Variants in NSD1 observed in about 807,000 individuals in gnomAD.
The protein encoded by NSD1 is histone-lysine N-methyltransferase, H3 lysine-36 specific.
NSD1 carries 26 observed loss-of-function variants against 242.7 expected under a neutral mutation model. The observed-to-expected ratio is 0.11, with a 90% CI of 0.08 to 0.15. The LOEUF (loss-of-function observed/expected upper bound fraction) is 0.15, where lower values mean the gene tolerates loss of function less well. NSD1 is among the 10% of genes least tolerant of loss of function. NSD1 has a pLI of 1.00. For synonymous variants in NSD1, 1,106 were observed against 1,178.1 expected, an observed-to-expected ratio of 0.94 and a Z score of 1.25; for missense variants, 2,495 against 3,272.8, an observed-to-expected ratio of 0.76 and a Z score of 5.80.
intron 2 of NSD1, among the ~76,000 whole-genome samples, chr5:177,168,555 G>T (rs771697932): frequency 2.0e-5 from 3 of 151,732 alleles, no homozygotes; most frequent in Non-Finnish European, 2.9e-5. Context: ...TGCCTCCCGG[G>T]TTCAAGTGAT....
At chr5:177,149,132 T>C (rs1352921342) in intron 2 of NSD1, among the ~76,000 whole-genome samples, 2 of 152,204 alleles carry the variant, frequency 1.3e-5, no homozygotes, top group Non-Finnish European at 2.9e-5. Context: ...TGCTTCAGTT[T>C]CTATGCATCC....
intron 15 of NSD1, among the ~76,000 whole-genome samples, chr5:177,268,027 A>G (rs1344785455): frequency 2.7e-5 from 4 of 149,012 alleles, no homozygotes; most frequent in African/African-American, 7.5e-5. Context: ...ATTTCGGCAT[A>G]TGTACTCCCA....
intron 2 of NSD1, among the ~76,000 whole-genome samples, chr5:177,146,080 TA>T (rs79707078): frequency 2.1e-3 from 305 of 142,922 alleles, no homozygotes; most frequent in Admixed American, 2.5e-3. Context: ...CCCTGTCTCT[TA>T]AAAAAAAAAA....
At position 177,211,362 on chromosome 5, in the gene NSD1, C is replaced by G. The variant is rs1465577289; in HGVS notation, c.2963C>G (p.Ser988Cys). ...PSPSGGDSAL[S>C]GELSASLPGL... Reference sequence around the variant, plus strand: ...CCTAGTGGGGGTGACTCTGCATTATCTGGCGAGTTGTCTGCTTCCCTACCT... The same window carrying G: ...CCTAGTGGGGGTGACTCTGCATTATGTGGCGAGTTGTCTGCTTCCCTACCT... The change falls in exon 5 of 23, where the codon TCT (serine) becomes TGT (cysteine). Residue 988 changes from serine to cysteine, a missense_variant. Coordinates refer to ENST00000439151, the MANE Select transcript of NSD1 (RefSeq NM_022455.5). 1 of 1,614,152 alleles carries G rather than the reference C, an allele frequency of 6.2e-7. No individual in the cohort carries two copies. Among genetic ancestry groups the G allele is most frequent in the Non-Finnish European group, 8.5e-7 (1 of 1,180,018 alleles).
At chr5:177,257,231 T>TTTTTC in intron 13 of NSD1, 80 bp downstream of exon 13, 1 of 738,526 alleles carries the variant, frequency 1.4e-6, no homozygotes, top group Non-Finnish European at 1.9e-6. Context: ...TTTCTTTCTT[T>TTTTTC]TTTTTTTTTT....
Position 177,134,568 on chromosome 5 carries a change from T to G in NSD1, c.-17-519T>G, listed in dbSNP as rs919054568. Among the ~76,000 whole-genome samples, 17 of 152,158 alleles carry G rather than the reference T, an allele frequency of 1.1e-4. No individual in the cohort carries two copies. Among genetic ancestry groups the G allele is most frequent in the African/African-American group, 3.6e-4 (15 of 41,454 alleles). ...GTGCAGCCGCCTCGGCCGGCTCGCC[T>G]GCGGCCTGCGCACCGCCGCTGCAAA... On this transcript the variant is annotated intron_variant, in intron 1 of 22. Transcript: ENST00000439151. The surrounding 1 kb of genome is among the most constrained non-coding windows in gnomAD (Gnocchi z 4.2).
At chr5:177,249,315 T>TA (rs898072204) in intron 11 of NSD1, among the ~76,000 whole-genome samples, 7 of 152,038 alleles carry the variant, frequency 4.6e-5, no homozygotes, top group African/African-American at 1.4e-4. Flanking sequence ...TCTCTATTTT[T>TA]AAAAAATTTG....
chr5:177,281,827 A>AT (rs377020526), intron 18 of NSD1, among the ~76,000 whole-genome samples: 3 of 151,848 alleles, frequency 2.0e-5, no homozygotes, highest in African/African-American at 7.3e-5. Flanking sequence ...TAATTTTTGT[A>AT]TTTTTTGTGG....
intron 2 of NSD1, among the ~76,000 whole-genome samples, chr5:177,142,787 C>T (rs1756933569): frequency 6.6e-6 from 1 of 152,128 alleles, no homozygotes; most frequent in Admixed American, 6.6e-5. Flanking sequence ...ATGAGAAATA[C>T]TGGGTCTCTA....
At chr5:177,292,567 A>G (rs185218771) in intron 22 of NSD1, among the ~76,000 whole-genome samples, 1 of 152,320 alleles carries the variant, frequency 6.6e-6, no homozygotes, top group African/African-American at 2.4e-5. Context: ...TAGAGAAAGA[A>G]AGATTGAGAT....
intron 5 of NSD1, among the ~76,000 whole-genome samples, chr5:177,235,527 G>A (rs1223476416): frequency 6.6e-6 from 1 of 152,172 alleles, no homozygotes; most frequent in Non-Finnish European, 1.5e-5. Flanking sequence ...ATGTACAGGT[G>A]TCAGTGACTA....
intron 2 of NSD1, among the ~76,000 whole-genome samples, chr5:177,138,087 C>A (rs997679930): frequency 6.6e-5 from 9 of 135,434 alleles, no homozygotes; most frequent in Non-Finnish European, 9.6e-5. Context: ...AAAAAAAAAA[C>A]AACAAAAAAA....
At position 177,294,739 on chromosome 5, in the gene NSD1, T is replaced by G; in HGVS notation, c.7371T>G (p.Asp2457Glu). ...QSKNRAALVM[D>E]LIDLTPRQKE... ...AAAATAGAGCTGCTTTGGTGATGGATCTCATAGACCTAACTCCTCGCCAGA... is the reference window on the plus strand; with the variant it reads ...AAAATAGAGCTGCTTTGGTGATGGAGCTCATAGACCTAACTCCTCGCCAGA... Residue 2457 changes from aspartate to glutamate, a missense_variant, in exon 23 of 23, where the codon GAT becomes GAG. Physicochemically the swap from Asp to Glu is conservative, Grantham distance 45. This residue lies in a region of NSD1 where 475 missense variants were observed against 563.7 expected (regional missense o/e 0.84). Transcript: ENST00000439151. 6.2e-7 allele frequency: 1 copy of G among 1,614,204 alleles called. No homozygotes were observed. Among genetic ancestry groups the G allele is most frequent in the Non-Finnish European group, 8.5e-7 (1 of 1,180,026 alleles).
At position 177,257,027 on chromosome 5, in the gene NSD1, T is replaced by C. The variant is rs1218732194; in HGVS notation, c.4842T>C (p.Phe1614=). ...GCCTTCTACCCTTGTGTGGAAAGTT[T>C]TACCATGAAGAGTGTGTCCAGAAGT... ...KRCLLPLCGK[F]YHEECVQKYP... Residue 1614 remains phenylalanine (F), a synonymous_variant, in exon 13 of 23, where the codon TTT becomes TTC. Coordinates refer to ENST00000439151, the MANE Select transcript of NSD1 (RefSeq NM_022455.5). 1.2e-6 allele frequency: 2 copies of C among 1,614,090 alleles called. No homozygotes were observed. The highest frequency in any genetic ancestry group is 2.2e-5 in the South Asian group (2 of 91,082).
chr5:177,199,464 C>T (rs1007817816), intron 3 of NSD1, among the ~76,000 whole-genome samples: 1 of 152,122 alleles, frequency 6.6e-6, no homozygotes, highest in Non-Finnish European at 1.5e-5. Flanking sequence ...CCTGTATTGC[C>T]CATGCTTGTC....
chr5:177,183,118 T>C (rs1282775325), intron 2 of NSD1, among the ~76,000 whole-genome samples: 1 of 152,174 alleles, frequency 6.6e-6, no homozygotes, highest in Non-Finnish European at 1.5e-5. Context: ...TTTTTAGTGA[T>C]GAGTTCTTGT....
intron 12 of NSD1, among the ~76,000 whole-genome samples, chr5:177,255,303 T>C (rs1231385359): frequency 1.1e-4 from 16 of 147,108 alleles, no homozygotes; most frequent in Admixed American, 1.1e-3. Flanking sequence ...AGATTGAGTC[T>C]CAAAAAAAAA....
chr5:177,239,975 AGT>A (rs1765726889), intron 8 of NSD1, 110 bp downstream of exon 8: 3 of 688,644 alleles, frequency 4.4e-6, no homozygotes, highest in Middle Eastern at 3.6e-4. Context: ...TATAGAAATT[AGT>A]GTGTGTGTCA....
At chr5:177,249,742 C>T (rs889363023) in intron 11 of NSD1, among the ~76,000 whole-genome samples, 1 of 152,202 alleles carries the variant, frequency 6.6e-6, no homozygotes, top group Non-Finnish European at 1.5e-5. Flanking sequence ...CCGCCTCGGC[C>T]TCCCAAAGTG....
Sources: allele counts gnomAD v4.1 joint callset (sites outside exome capture counted in the v4.1 genomes callset), GRCh38; gene constraint gnomAD v4.1.1; regional missense constraint gnomAD v4.1.1; non-coding constraint Gnocchi (gnomAD v3.1); transcripts MANE v1.5; gene names NCBI Gene and HGNC (gene_info 2026-07-23, HGNC 2026-07-21).